KCNN3: variants seen among roughly 807,000 people sequenced by gnomAD.
KCNN3 encodes the protein small conductance calcium-activated potassium channel protein 3.
Under a neutral mutation model 62.9 loss-of-function variants are expected in KCNN3, and 16 were observed. The observed-to-expected ratio is 0.25, with a 90% CI of 0.17 to 0.39. The LOEUF is 0.39. KCNN3 is among the 10% of genes least tolerant of loss of function. The pLI is 1.00. For synonymous variants in KCNN3, 370 were observed against 389.2 expected, an observed-to-expected ratio of 0.95 and a Z score of 0.58; for missense variants, 599 against 949.4, an observed-to-expected ratio of 0.63 and a Z score of 4.85.
At chr1:154,747,613 C>T (rs971106182) in intron 3 of KCNN3, among the ~76,000 whole-genome samples, 3 of 152,132 alleles carry the variant, frequency 2.0e-5, no homozygotes, top group Non-Finnish European at 4.4e-5. Context: ...TCCAGCTAGC[C>T]TGATGGAAAT....
chr1:154,724,283 T>C (rs981125749), intron 5 of KCNN3, among the ~76,000 whole-genome samples: 2 of 152,226 alleles, frequency 1.3e-5, no homozygotes, highest in African/African-American at 4.8e-5. Context: ...CTCTCTCTTT[T>C]TGTTCTTCCT....
chr1:154,763,462 G>A (rs946347423), intron 3 of KCNN3, among the ~76,000 whole-genome samples: 2 of 152,034 alleles, frequency 1.3e-5, no homozygotes, highest in Non-Finnish European at 2.9e-5. Context: ...CTACTGGCTC[G>A]AACTCCTAGG....
intron 4 of KCNN3, among the ~76,000 whole-genome samples, chr1:154,732,477 G>A (rs1432924933): frequency 1.3e-5 from 2 of 152,192 alleles, no homozygotes; most frequent in Non-Finnish European, 1.5e-5. Flanking sequence ...CCTGGGAAAG[G>A]CAAGAGCCAG....
In KCNN3 at chr1:154,733,074, AAAGG is replaced by A; in HGVS notation, c.1515_1518del (p.Leu506ProfsTer53). 1 of 1,614,134 alleles carries A rather than the reference AAAGG, an allele frequency of 6.2e-7. No homozygotes were observed. Among genetic ancestry groups the A allele is most frequent in the East Asian group, 2.2e-5 (1 of 44,884 alleles). ...GGCACCATGTCCCCATAACCAATGG[AAAGG>A]AATGTGATGGAGATGAGCCACATGG... On this transcript the variant is annotated frameshift_variant, in exon 4 of 8. Coordinates refer to ENST00000271915, the MANE Select transcript of KCNN3 (RefSeq NM_002249.6). LOFTEE classifies it high-confidence loss of function.
chr1:154,780,991 T>C (rs12035356), intron 2 of KCNN3, among the ~76,000 whole-genome samples: 7,193 of 152,232 alleles, frequency 0.047, 369 homozygotes, highest in East Asian at 0.22. Flanking sequence ...GAAGAAATTG[T>C]CCTCATCTGA....
intron 2 of KCNN3, among the ~76,000 whole-genome samples, chr1:154,778,362 G>C (rs1457426042): frequency 6.6e-6 from 1 of 152,210 alleles, no homozygotes; most frequent in Non-Finnish European, 1.5e-5. Flanking sequence ...CATGTCCCAT[G>C]AATCAGTGCA....
chr1:154,851,266 CGTGCCCGGCCAAA>C (rs1571338308), intron 1 of KCNN3, among the ~76,000 whole-genome samples: 3 of 152,294 alleles, frequency 2.0e-5, no homozygotes, highest in Admixed American at 6.5e-5. Flanking sequence ...CGTGAGCCAC[CGTGCCCGGCCAAA>C]TTTTTTTTAA....
chr1:154,855,578 A>G (rs972320372), intron 1 of KCNN3, among the ~76,000 whole-genome samples: 2 of 152,232 alleles, frequency 1.3e-5, no homozygotes, highest in African/African-American at 2.4e-5. Context: ...AGTAGGCTAC[A>G]CCATACAGCC....
intron 1 of KCNN3, among the ~76,000 whole-genome samples, chr1:154,844,726 C>T (rs1342881564): frequency 6.6e-6 from 1 of 152,228 alleles, no homozygotes; most frequent in Non-Finnish European, 1.5e-5. Context: ...AACTAGGGGG[C>T]CAGTTGCAGT....
chr1:154,808,221 G>A (rs6426946), intron 2 of KCNN3, among the ~76,000 whole-genome samples: 23,925 of 152,014 alleles, frequency 0.16, 2,866 homozygotes, highest in African/African-American at 0.34. Flanking sequence ...GTGCCTCATC[G>A]CTCCAGCTGC....
Position 154,772,522 on chromosome 1 carries a change from C to G in KCNN3, c.1030-129G>C, listed in dbSNP as rs1648608008. ...GTCAGCCTGACCACCTCAGCATGCT[C>G]TTTAGGGGCCTTGCTATGTGGCAAG... On this transcript the variant is annotated intron_variant, in intron 2 of 7. Transcript: ENST00000271915. The surrounding 1 kb of genome is among the most constrained non-coding windows in gnomAD (Gnocchi z 5.6). The G allele has an allele frequency of 3.7e-6, 3 of 818,214 alleles. No homozygotes were observed. The highest frequency in any genetic ancestry group is 5.3e-5 in the East Asian group (2 of 37,802). The allele number at this position is 818,214 out of a possible 1,614,324, so 50.7% of individuals were successfully genotyped here.
At chr1:154,836,778 G>A (rs1455281293) in intron 1 of KCNN3, among the ~76,000 whole-genome samples, 3 of 152,284 alleles carry the variant, frequency 2.0e-5, no homozygotes, top group East Asian at 1.9e-4. Flanking sequence ...GAGAGCCGCC[G>A]CCCCTGGGCT....
chr1:154,793,419 G>A (rs918965894), intron 2 of KCNN3, among the ~76,000 whole-genome samples: 7 of 152,152 alleles, frequency 4.6e-5, no homozygotes, highest in African/African-American at 1.7e-4. Flanking sequence ...GAGGGATGTC[G>A]GGGGCATGGG....
rs1700182366 is a variant in KCNN3 at position 154,714,524 on chromosome 1, TTGTGTGTGG to T, written c.1829+343_1829+351del. Among the ~76,000 whole-genome samples the T allele has an allele frequency of 8.0e-5, 4 of 49,922 alleles. No homozygotes were observed. In the South Asian group the frequency reaches 2.1e-3, roughly 27 times the overall value. The allele number at this position is 49,922 out of a possible 152,430, so 32.8% of individuals were successfully genotyped here. A position where few individuals can be genotyped will look rare whatever the true frequency, so the allele number is the denominator to read the frequency against. Reference sequence around the variant, plus strand: ...TGTGTGGGGTGTGTGTGTGTGGTGTTTGTGTGTGGTGTGTGTGGGGTGTGTGTGTGTGGT... The same window carrying T: ...TGTGTGGGGTGTGTGTGTGTGGTGTTTGTGTGTGGGGTGTGTGTGTGTGGT... On this transcript the variant is annotated intron_variant, in intron 6 of 7. Coordinates refer to ENST00000271915, the MANE Select transcript of KCNN3 (RefSeq NM_002249.6).
intron 2 of KCNN3, among the ~76,000 whole-genome samples, chr1:154,808,977 G>A (rs1003890564): frequency 9.2e-5 from 14 of 152,184 alleles, no homozygotes; most frequent in East Asian, 7.7e-4. Context: ...GTTCAGAGGC[G>A]GTGGCTGCTC....
In KCNN3 at chr1:154,869,617, GGAGTTGGACGAA is replaced by G; in HGVS notation, c.336_347del (p.Ser113_Ser116del). 6.2e-7 allele frequency: 1 copy of G among 1,614,070 alleles called. No individual in the cohort carries two copies. Among genetic ancestry groups the G allele is most frequent in the Non-Finnish European group, 8.5e-7 (1 of 1,179,992 alleles). On this transcript the variant is annotated inframe_deletion, in exon 1 of 8. Transcript: ENST00000271915. This position sits in a 1 kb window ranked among gnomAD's most constrained non-coding sequence, Gnocchi z 6.1. ...TGGAGGAAGGGTGGAGGATGGCGGT[GGAGTTGGACGAA>G]GGGGGGGCCCTGAAAGCGGTGGGAG... is the stretch of plus-strand genomic sequence containing the variant.
At chr1:154,792,706 C>A (rs1178941267) in intron 2 of KCNN3, among the ~76,000 whole-genome samples, 1 of 152,090 alleles carries the variant, frequency 6.6e-6, no homozygotes, top group Non-Finnish European at 1.5e-5. Context: ...AGATTCCTCC[C>A]AGGGAAATGT....
chr1:154,785,216 G>C (rs995170771), intron 2 of KCNN3, among the ~76,000 whole-genome samples: 9 of 152,190 alleles, frequency 5.9e-5, no homozygotes, highest in African/African-American at 1.7e-4. Context: ...CATCACTGGG[G>C]CTGCTGGGCC....
chr1:154,794,545 G>C (rs1246667516), intron 2 of KCNN3, among the ~76,000 whole-genome samples: 1 of 152,134 alleles, frequency 6.6e-6, no homozygotes, highest in Non-Finnish European at 1.5e-5. Flanking sequence ...CATTATAGAG[G>C]GTAGACTATT....
Sources: gnomAD v4.1 joint callset for allele counts (sites outside exome capture counted in the v4.1 genomes callset) on GRCh38, gnomAD v4.1.1 for gene constraint, Gnocchi (gnomAD v3.1) non-coding constraint, MANE v1.5 for transcripts, NCBI Gene and HGNC (gene_info 2026-07-23, HGNC 2026-07-21) for gene names.